The following WHAMM variants were observed in gnomAD, a reference collection of about 807,000 sequenced individuals.
WHAMM encodes the protein WASP homolog associated with actin, golgi membranes and microtubules, also known as WASP homolog-associated protein with actin, membranes and microtubules.
A neutral mutation model predicts 76.5 loss-of-function variants in WHAMM; 67 were observed. The observed-to-expected ratio is 0.88, with a 90% confidence interval of 0.72 to 1.07. The LOEUF is 1.07. Among genes scored for constraint, WHAMM ranks in the 50% least tolerant of loss-of-function variants. The probability of loss-of-function intolerance (pLI) is 0.00; values close to 1 mark genes in which losing one functional copy is unlikely to be tolerated. For synonymous variants in WHAMM, 419 were observed against 422.1 expected, an observed-to-expected ratio of 0.99 and a Z score of 0.09; for missense variants, 1,021 against 1,051.1, an observed-to-expected ratio of 0.97 and a Z score of 0.40.
Position 82,809,695 on chromosome 15 carries a change from G to A in WHAMM, c.-32G>A. The A allele has an allele frequency of 1.5e-6, 2 of 1,352,928 alleles. No homozygotes were observed. The highest frequency in any genetic ancestry group is 1.9e-6 in the Non-Finnish European group (2 of 1,043,848). The allele number at this position is 1,352,928 out of a possible 1,614,324, so 83.8% of individuals were successfully genotyped here. On this transcript the variant is annotated 5_prime_UTR_variant, in exon 1 of 10. Transcript: ENST00000286760. ...GTGCGAGGAGGCCAGGCCCGCGCCC[G>A]CCGAGCCCTAGGGCCGCTGCTGCCG...
In WHAMM at chr15:82,830,584, G is replaced by GT. The variant is rs1255074582; in HGVS notation, c.1642-10dup. The GT allele has an allele frequency of 9.4e-6, 15 of 1,600,626 alleles. No individual in the cohort carries two copies. Among genetic ancestry groups the GT allele is most frequent in the Middle Eastern group, 4.2e-4 (2 of 4,816 alleles). ...CACTTGTGGCAGATTGCTCACCATG[G>GT]TTTTTCATTTTCAGAAACGCCTAGC... On this transcript the variant is annotated splice_polypyrimidine_tract_variant and intron_variant, in intron 8 of 9. Transcript: ENST00000286760.
At chr15:82,825,038 T>C (rs2050906987) in intron 6 of WHAMM, among the ~76,000 whole-genome samples, 1 of 152,086 alleles carries the variant, frequency 6.6e-6, no homozygotes, top group South Asian at 2.1e-4. Flanking sequence ...GGCAGGAGGA[T>C]CGCTTGAAGC....
intron 2 of WHAMM, among the ~76,000 whole-genome samples, chr15:82,814,120 T>C (rs1190897375): frequency 6.6e-6 from 1 of 152,218 alleles, no homozygotes; most frequent in Non-Finnish European, 1.5e-5. Flanking sequence ...TCTTGCTTCA[T>C]TGAGCCATCA....
chr15:82,830,660 C>T lies in WHAMM; in HGVS notation c.1703C>T (p.Pro568Leu). 6.2e-7 allele frequency: 1 copy of T among 1,613,972 alleles called. No homozygotes were observed. Among genetic ancestry groups the T allele is most frequent in the Non-Finnish European group, 8.5e-7 (1 of 1,179,884 alleles). The change falls in exon 9 of 10, where the codon CCA (proline) becomes CTA (leucine). Residue 568 changes from proline to leucine, a missense_variant. Physicochemically the swap from Pro to Leu is moderately conservative, Grantham distance 98. Coordinates refer to ENST00000286760, the MANE Select transcript of WHAMM (RefSeq NM_001080435.3). ...SGSEPVAPNL[P>L]SDLSQQMCLP... ...TCAGAACCTGTGGCTCCAAACCTGCCAAGTGATCTTTCCCAGCAGATGTGC... is the reference window on the plus strand; with the variant it reads ...TCAGAACCTGTGGCTCCAAACCTGCTAAGTGATCTTTCCCAGCAGATGTGC...
intron 9 of WHAMM, among the ~76,000 whole-genome samples, 193 bp from the exon 10 acceptor site, chr15:82,833,036 G>A (rs1407249734): frequency 6.6e-6 from 1 of 152,218 alleles, no homozygotes; most frequent in Non-Finnish European, 1.5e-5. Flanking sequence ...GCTAAAACAT[G>A]AGCTATTCAG....
chr15:82,826,626 G>C, intron 7 of WHAMM, 125 bp from the exon 8 acceptor site: 1 of 1,574,330 alleles, frequency 6.4e-7, no homozygotes. Flanking sequence ...TCTGCAGCCT[G>C]GGCGCAGCCT....
At chr15:82,816,905 C>T in intron 3 of WHAMM, 63 bp downstream of exon 3, 2 of 1,444,214 alleles carry the variant, frequency 1.4e-6, no homozygotes, top group Non-Finnish European at 1.9e-6. Flanking sequence ...ATTCAAATAC[C>T]ATTTGAGTCC....
chr15:82,814,793 A>G (rs11854476), intron 2 of WHAMM, among the ~76,000 whole-genome samples: 96,195 of 116,648 alleles, frequency 0.82, 39,648 homozygotes, highest in African/African-American at 0.93. Context: ...TTTTTGAGAC[A>G]GAGTCTCGCT....
intron 6 of WHAMM, among the ~76,000 whole-genome samples, chr15:82,823,633 T>C (rs1317488000): frequency 2.6e-5 from 4 of 152,190 alleles, no homozygotes; most frequent in Admixed American, 6.5e-5. Context: ...AGGCATGATG[T>C]TGGCTCACTG....
chr15:82,815,583 G>T lies in WHAMM; in HGVS notation c.784-1109G>T, dbSNP rs118008308. ...TCATTGCTCTTGTGTATGTACTAAG[G>T]AGTAGGATTGCTGGGTCCTGTGATT... On this transcript the variant is annotated intron_variant, in intron 2 of 9. Coordinates refer to ENST00000286760, the MANE Select transcript of WHAMM (RefSeq NM_001080435.3). 3.7e-3 allele frequency among the ~76,000 whole-genome samples: 558 copies of T among 152,278 alleles called. 6 individuals are homozygous for T. The highest frequency in any genetic ancestry group is 6.8e-3 in the Middle Eastern group (2 of 294).
At chr15:82,832,790 AT>A (rs1406939927) in intron 9 of WHAMM, among the ~76,000 whole-genome samples, 1 of 152,104 alleles carries the variant, frequency 6.6e-6, no homozygotes, top group Non-Finnish European at 1.5e-5. Context: ...AGCAGGATAA[AT>A]TTTTTTTAAA....
chr15:82,827,578 T>A (rs2050956545), intron 8 of WHAMM, among the ~76,000 whole-genome samples: 1 of 152,258 alleles, frequency 6.6e-6, no homozygotes, highest in Non-Finnish European at 1.5e-5. Flanking sequence ...TAATGTGTAA[T>A]GATCAAATCA....
At chr15:82,812,611 CCTT>C (rs1333758947) in intron 1 of WHAMM, among the ~76,000 whole-genome samples, 4 of 152,188 alleles carry the variant, frequency 2.6e-5, no homozygotes, top group African/African-American at 9.7e-5. Flanking sequence ...CAACCTCAAA[CCTT>C]CTTTTGGGTC....
chr15:82,833,447 A>T lies in WHAMM; in HGVS notation c.2341A>T (p.Ile781Phe). The T allele has an allele frequency of 6.2e-7, 1 of 1,614,060 alleles. No homozygotes were observed. The highest frequency in any genetic ancestry group is 8.5e-7 in the Non-Finnish European group (1 of 1,179,906). ...ACGCACCAGTGACCTTGAGAGGAGC[A>T]TCAAGGCTGCGCTCCAGAGAATCAA... is the stretch of plus-strand genomic sequence containing the variant. ...NRRTSDLERS[I>F]KAALQRIKRV... Residue 781 changes from isoleucine to phenylalanine, a missense_variant, in exon 10 of 10, where the codon ATC becomes TTC. Transcript: ENST00000286760.
chr15:82,813,368 CTTTG>C (rs2050662412), intron 2 of WHAMM, 92 bp downstream of exon 2: 38 of 1,168,904 alleles, frequency 3.3e-5, no homozygotes, highest in South Asian at 5.6e-5. Context: ...TCTGTTTGTA[CTTTG>C]TTTGGGTTTA....
At chr15:82,817,826 G>T in intron 3 of WHAMM, 94 bp from the exon 4 acceptor site, 1 of 989,320 alleles carries the variant, frequency 1.0e-6, no homozygotes, top group South Asian at 3.3e-5. Context: ...ATATTCTGCA[G>T]GTAGTATGGA....
In WHAMM at chr15:82,834,108, G is replaced by GCTTA. The variant is rs2051089846; in HGVS notation, c.*575_*578dup. ...GCTAGAGTGCAGTGGCACGATCTTG[G>GCTTA]CTTACTGCAACCTCCACCTCCCAGG... On this transcript the variant is annotated 3_prime_UTR_variant, in exon 10 of 10. Transcript: ENST00000286760. The GCTTA allele has an allele frequency of 2.0e-5, 3 of 152,060 alleles. No individual in the cohort carries two copies. Among genetic ancestry groups the GCTTA allele is most frequent in the Non-Finnish European group, 4.4e-5 (3 of 68,552 alleles). 9.4% of individuals were successfully genotyped at this position (152,060 alleles called of 1,614,324 possible).
At chr15:82,817,626 G>A (rs1362604276) in intron 3 of WHAMM, among the ~76,000 whole-genome samples, 2 of 152,128 alleles carry the variant, frequency 1.3e-5, no homozygotes, top group Non-Finnish European at 2.9e-5. Flanking sequence ...ATCCATATGA[G>A]CCTGTCTGTC....
intron 7 of WHAMM, 88 bp from the exon 8 acceptor site, chr15:82,826,663 T>C (rs1228333094): frequency 4.6e-6 from 7 of 1,534,058 alleles, no homozygotes; most frequent in Non-Finnish European, 4.4e-6. Context: ...GGGTACAGCC[T>C]CTTTCTTTGC....
Sources: gnomAD v4.1 joint callset for allele counts (sites outside exome capture counted in the v4.1 genomes callset) on GRCh38, gnomAD v4.1.1 for gene constraint, MANE v1.5 for transcripts, NCBI Gene and HGNC (gene_info 2026-07-23, HGNC 2026-07-21) for gene names.